The following WNK3 variants were observed in gnomAD, a reference collection of about 807,000 sequenced individuals.
The protein encoded by WNK3 is WNK lysine deficient protein kinase 3.
In WNK3, 18 loss-of-function variants were observed where a neutral mutation model predicts 116.7. The observed-to-expected ratio is 0.15, with a 90% CI of 0.11 to 0.23. The LOEUF (loss-of-function observed/expected upper bound fraction) is 0.23. WNK3 is among the 10% of genes least tolerant of loss of function. WNK3 has a pLI of 1.00. For missense variants in WNK3, 993 were observed against 1,323.8 expected, an observed-to-expected ratio of 0.75 and a Z score of 3.88; for synonymous variants, 404 against 469.4, an observed-to-expected ratio of 0.86 and a Z score of 1.80.
At chrX:54,351,541 C>A (rs782102030) in intron 1 of WNK3, among the ~76,000 whole-genome samples, 1 of 111,089 alleles carries the variant, frequency 9.0e-6, no homozygotes, top group African/African-American at 3.3e-5. Context: ...GAGGCTGAGG[C>A]GGGAGGATCA....
At chrX:54,340,455 C>CA (rs1301011057) in intron 1 of WNK3, among the ~76,000 whole-genome samples, 1 of 109,774 alleles carries the variant, frequency 9.1e-6, no homozygotes, top group Non-Finnish European at 1.9e-5. Context: ...ACTAAAAATA[C>CA]AAAAATTAGC....
chrX:54,337,429 C>T (rs1390570228), intron 1 of WNK3, among the ~76,000 whole-genome samples: 8 of 108,903 alleles, frequency 7.3e-5, no homozygotes, highest in Admixed American at 1.0e-4. Context: ...AGTGTGGTGG[C>T]GGGTGCCTGT....
At chrX:54,197,952 TAAAAA>T in exon 24 of WNK3, 11 of 90,124 alleles carry the variant, frequency 1.2e-4, no homozygotes, top group East Asian at 3.4e-4. Flanking sequence ...TAGCAGCAGT[TAAAAA>T]AAAAAAAAAA....
chrX:54,314,423 CTTATT>C (rs1474553150), intron 2 of WNK3, among the ~76,000 whole-genome samples: 1 of 111,022 alleles, frequency 9.0e-6, no homozygotes, highest in Non-Finnish European at 1.9e-5. Context: ...CTCCTTCAAT[CTTATT>C]TTATGTTCTT....
chrX:54,333,804 GA>G lies in WNK3; in HGVS notation c.-119-13del, dbSNP rs1165833726. ...ATTTCCATAGCAACCTGAAGGGGGGGAAAAAGATATTTTAAAATCACCCTAC... is the reference window on the plus strand; with the variant it reads ...ATTTCCATAGCAACCTGAAGGGGGGGAAAAGATATTTTAAAATCACCCTAC... On this transcript the variant is annotated splice_polypyrimidine_tract_variant and intron_variant, in intron 1 of 23. Coordinates refer to ENST00000354646, the Ensembl canonical transcript of WNK3. 4.4e-5 allele frequency: 20 copies of G among 452,254 alleles called. No homozygotes were observed. The highest frequency in any genetic ancestry group is 1.3e-4 in the South Asian group (3 of 22,419). 37.3% of individuals were successfully genotyped at this position (452,254 alleles called of 1,213,427 possible).
Position 54,336,850 on chromosome X carries a change from C to T in WNK3, c.-119-3058G>A, listed in dbSNP as rs970728728. Among the ~76,000 whole-genome samples, 5 of 111,016 alleles carry T rather than the reference C, an allele frequency of 4.5e-5. No homozygotes were observed. In the East Asian group the frequency reaches 8.5e-4, roughly 19 times the overall value. On this transcript the variant is annotated intron_variant, in intron 1 of 23. Transcript: ENST00000354646. ...CTGTGAGGGAAAAGAAAGAGTCTTA[C>T]GGTGACTCACAAAAATTTGCCAACC...
intron 2 of WNK3, among the ~76,000 whole-genome samples, chrX:54,331,567 G>A (rs1003962360): frequency 4.5e-5 from 5 of 111,233 alleles, no homozygotes; most frequent in African/African-American, 1.6e-4. Flanking sequence ...CAGGTGAGAA[G>A]AAAACCAAGC....
intron 22 of WNK3, among the ~76,000 whole-genome samples, chrX:54,222,177 C>CA (rs1197769135): frequency 9.1e-6 from 1 of 109,667 alleles, no homozygotes; most frequent in Non-Finnish European, 1.9e-5. Context: ...AAAAAACACA[C>CA]AAAAAAACTG....
At chrX:54,263,629 C>A (rs943812031) in intron 10 of WNK3, among the ~76,000 whole-genome samples, 1 of 111,439 alleles carries the variant, frequency 9.0e-6, no homozygotes, top group Admixed American at 9.6e-5. Context: ...CAAAGCTGGG[C>A]GAGATTAAAT....
intron 1 of WNK3, among the ~76,000 whole-genome samples, chrX:54,335,901 A>AGAC (rs1426882485): frequency 1.8e-5 from 2 of 112,414 alleles, no homozygotes; most frequent in Non-Finnish European, 3.8e-5. Flanking sequence ...TACAGTATTA[A>AGAC]GACAGTATGG....
chrX:54,287,445 T>C (rs1435134602), intron 10 of WNK3, among the ~76,000 whole-genome samples: 1 of 111,555 alleles, frequency 9.0e-6, no homozygotes, highest in African/African-American at 3.3e-5. Context: ...GCTCAAATGT[T>C]ACCTTCTCAA....
chrX:54,238,800 C>T, intron 18 of WNK3, 68 bp downstream of exon 18: 1 of 897,955 alleles, frequency 1.1e-6, no homozygotes, highest in Non-Finnish European at 1.5e-6. Flanking sequence ...TGTATATGAA[C>T]AACAAAAAAA....
chrX:54,291,286 C>A (rs1303460179), intron 10 of WNK3, among the ~76,000 whole-genome samples: 2 of 110,762 alleles, frequency 1.8e-5, no homozygotes, highest in Non-Finnish European at 3.8e-5. Context: ...GCACTCCAGC[C>A]TGGGCGACAT....
chrX:54,249,491 C>T, exon 17 of WNK3: 1 of 1,211,792 alleles, frequency 8.3e-7, no homozygotes, highest in Non-Finnish European at 1.1e-6. Context: ...TGCTTGGTTT[C>T]TACACTAGCA....
chrX:54,241,867 T>C (rs1217388791), intron 17 of WNK3, among the ~76,000 whole-genome samples: 7 of 108,948 alleles, frequency 6.4e-5, no homozygotes, highest in African/African-American at 2.3e-4. Flanking sequence ...GGCAGGAGAA[T>C]TGCTTGGACC....
intron 2 of WNK3, among the ~76,000 whole-genome samples, chrX:54,317,455 G>A (rs782685416): frequency 2.8e-4 from 31 of 109,193 alleles, no homozygotes; most frequent in Non-Finnish European, 3.4e-4. Context: ...CACCGCACCC[G>A]GCCAACATGG....
At chrX:54,222,915 A>ATATATATATAT (rs1557146885) in intron 22 of WNK3, among the ~76,000 whole-genome samples, 1 of 81,038 alleles carries the variant, frequency 1.2e-5, no homozygotes, top group African/African-American at 5.8e-5. Flanking sequence ...TAATAATAAT[A>ATATATATATAT]ATATATATAT....
At chrX:54,221,659 C>T (rs1163542168) in intron 22 of WNK3, among the ~76,000 whole-genome samples, 1 of 109,512 alleles carries the variant, frequency 9.1e-6, no homozygotes, top group Non-Finnish European at 1.9e-5. Context: ...ATGGTGAAAC[C>T]CCATCTCTAC....
chrX:54,237,492 T>C, exon 20 of WNK3: 1 of 1,184,642 alleles, frequency 8.4e-7, no homozygotes, highest in East Asian at 3.0e-5. Flanking sequence ...TGAACACTGA[T>C]ATGTGTTCTA....
Sources: gnomAD v4.1 joint callset for allele counts (sites outside exome capture counted in the v4.1 genomes callset) on GRCh38, gnomAD v4.1.1 for gene constraint, MANE v1.5 for transcripts, NCBI Gene and HGNC (gene_info 2026-07-23, HGNC 2026-07-21) for gene names.